Variants in IMPDH1 observed in about 807,000 individuals in gnomAD.
IMPDH1 encodes inosine-5'-monophosphate dehydrogenase 1.
Under a neutral mutation model 73.5 loss-of-function variants are expected in IMPDH1, and 41 were observed. The observed-to-expected ratio is 0.56, with a 90% confidence interval of 0.43 to 0.72. IMPDH1 has a LOEUF of 0.72. IMPDH1 is among the 30% of genes least tolerant of loss of function. The pLI, the probability that IMPDH1 is intolerant of heterozygous loss-of-function variation, is 0.00. For synonymous variants in IMPDH1, 318 were observed against 334.3 expected (o/e 0.95, Z 0.53); for missense variants, 645 against 824.8 (o/e 0.78, Z 2.67).
intron 12 of IMPDH1, among the ~76,000 whole-genome samples, chr7:128,395,644 T>G (rs529022358): frequency 1.3e-5 from 2 of 152,380 alleles, no homozygotes; most frequent in Admixed American, 6.5e-5. Flanking sequence ...TGGTCCCCTT[T>G]GGGATACTGG....
Position 128,397,158 on chromosome 7 carries a change from T to G in IMPDH1, c.1075-136A>C, listed in dbSNP as rs866973374. 1.9e-5 allele frequency: 13 copies of G among 671,280 alleles called. No individual in the cohort carries two copies. In the Admixed American group the frequency reaches 2.2e-4, roughly 11 times the overall value. The allele number at this position is 671,280 out of a possible 1,614,324, so 41.6% of individuals were successfully genotyped here. On this transcript the variant is annotated intron_variant, in intron 10 of 16. Transcript: ENST00000338791. ...TGCTCTTTCCTTCTGGTTGTTTTTT[T>G]TTTTTTTTTTCTGGAAATTCACTTG...
chr7:128,395,348 G>C, intron 12 of IMPDH1, 74 bp from the exon 13 acceptor site: 1 of 1,556,800 alleles, frequency 6.4e-7, no homozygotes, highest in Non-Finnish European at 8.8e-7. Flanking sequence ...GGCCAGCCCA[G>C]CTCTTCCTCC....
chr7:128,395,945 G>A (rs557805281), intron 12 of IMPDH1, among the ~76,000 whole-genome samples: 105 of 152,330 alleles, frequency 6.9e-4, no homozygotes, highest in African/African-American at 2.4e-3. Flanking sequence ...GGACCAAAAG[G>A]GGGAGCTGTT....
Position 128,405,832 on chromosome 7 carries a change from G to C in IMPDH1, c.288C>G (p.Gly96=). 1.9e-6 allele frequency: 3 copies of C among 1,539,276 alleles called. No homozygotes were observed. The highest frequency in any genetic ancestry group is 2.6e-6 in the Non-Finnish European group (3 of 1,144,538). The change falls in exon 4 of 17, where the codon GGC becomes GGG. Residue 96 remains glycine (G), a synonymous_variant. Transcript: ENST00000338791. ...MADYLISGGT[G]YVPEDGLTAQ... is the part of the protein sequence containing the mutation. ...CGGTGAGCCCATCCTCGGGCACGTA[G>C]CCGGTGCCGCCGCTGATCAGGTAGT...
chr7:128,407,031 C>T (rs1798822141), intron 3 of IMPDH1, among the ~76,000 whole-genome samples: 1 of 152,112 alleles, frequency 6.6e-6, no homozygotes, highest in African/African-American at 2.4e-5. Flanking sequence ...AAGTAGATCC[C>T]CTTCCCTCTT....
chr7:128,409,809 C>A lies in IMPDH1; in HGVS notation c.93G>T (p.Thr31=). ...PGARQHPGHE[T]AAQRYSARLL... ...GTCGGGCGCTGTACCGCTGCGCCGCCGTCTCGTGTCCCGGGTGTTGCCGGG... is the reference window on the plus strand; with the variant it reads ...GTCGGGCGCTGTACCGCTGCGCCGCAGTCTCGTGTCCCGGGTGTTGCCGGG... Residue 31 remains threonine, a synonymous_variant, in exon 1 of 17, where the codon ACG becomes ACT. Transcript: ENST00000338791. The A allele has an allele frequency of 6.7e-7, 1 of 1,500,122 alleles. No individual in the cohort carries two copies. The highest frequency in any genetic ancestry group is 8.8e-7 in the Non-Finnish European group (1 of 1,132,294). 92.9% of individuals were successfully genotyped at this position (1,500,122 alleles called of 1,614,324 possible).
intron 4 of IMPDH1, 39 bp from the exon 5 acceptor site, chr7:128,403,793 G>A: frequency 1.3e-6 from 2 of 1,591,884 alleles, no homozygotes; most frequent in East Asian, 2.2e-5. Context: ...AGTGGGGAGG[G>A]GTGCCCCAAA....
chr7:128,395,037 C>T lies in IMPDH1; in HGVS notation c.1406-4G>A. On this transcript the variant is annotated splice_polypyrimidine_tract_variant and splice_region_variant and intron_variant, in intron 13 of 16. Coordinates refer to ENST00000338791, the MANE Select transcript of IMPDH1 (RefSeq NM_000883.4). ...GCCAGCAGGGAGCCCATCATCACTA[C>T]AGTGGGCAAGGGATTAGTGCCTCCA... The T allele has an allele frequency of 6.2e-7, 1 of 1,613,978 alleles. No homozygotes were observed.
chr7:128,401,656 G>C lies in IMPDH1; in HGVS notation c.403-540C>G, dbSNP rs563703056. 2.9e-4 allele frequency among the ~76,000 whole-genome samples: 44 copies of C among 152,316 alleles called. No homozygotes were observed. In the South Asian group the frequency reaches 8.9e-3, roughly 31 times the overall value. The stretch of plus-strand genomic sequence containing the variant: ...CACTGGAGGGTCTTGACAGAGAAAT[G>C]ATCTGATTTATGTTTCAAAAAGGTC... On this transcript the variant is annotated intron_variant, in intron 5 of 16. Coordinates refer to ENST00000338791, the MANE Select transcript of IMPDH1 (RefSeq NM_000883.4).
chr7:128,404,326 C>T (rs1397922115), intron 4 of IMPDH1, among the ~76,000 whole-genome samples: 2 of 152,020 alleles, frequency 1.3e-5, no homozygotes, highest in African/African-American at 4.8e-5. Context: ...ATGGCCAGGA[C>T]GGGAAAGGGG....
Position 128,394,301 on chromosome 7 carries a change from C to A in IMPDH1, c.1755G>T (p.Glu585Asp). 2 of 1,614,076 alleles carry A rather than the reference C, an allele frequency of 1.2e-6. No homozygotes were observed. Among genetic ancestry groups the A allele is most frequent in the Non-Finnish European group, 1.7e-6 (2 of 1,179,992 alleles). The change falls in exon 16 of 17, where the codon GAG becomes GAT. Residue 585 changes from glutamate to aspartate, a missense_variant. Around this residue, in one of 2 missense-constraint regions of IMPDH1, gnomAD observed 459 missense variants for 638.2 expected, o/e 0.72. Coordinates refer to ENST00000338791, the MANE Select transcript of IMPDH1 (RefSeq NM_000883.4). This position sits in a 1 kb window ranked among gnomAD's most constrained non-coding sequence, Gnocchi z 5.5. ...FEKRTMSAQI[E>D]GGVHGLHSYE... ...ACGAGTGCAGGCCATGGACACCACC[C>A]TCAATCTGGGCCGACATGGTCCGCT...
chr7:128,394,537 A>C lies in IMPDH1; in HGVS notation c.1613T>G (p.Ile538Ser). The C allele has an allele frequency of 1.2e-6, 2 of 1,613,984 alleles. No individual in the cohort carries two copies. The highest frequency in any genetic ancestry group is 1.7e-6 in the Non-Finnish European group (2 of 1,179,986). ...VSGSIQDKGS[I>S]QKFVPYLIAG... ...TATGAGGTAGGGCACGAACTTCTGA[A>C]TGGATCCTTTGTCCTGGATGGAGCC... The change falls in exon 15 of 17, where the codon ATT becomes AGT. Residue 538 changes from isoleucine (I) to serine (S), a missense_variant. Ile to Ser is a moderately radical substitution (Grantham distance 142, BLOSUM62 -2). This residue lies in a region of IMPDH1 where 459 missense variants were observed against 638.2 expected (regional missense o/e 0.72). Coordinates refer to ENST00000338791, the MANE Select transcript of IMPDH1 (RefSeq NM_000883.4). This position sits in a 1 kb window ranked among gnomAD's most constrained non-coding sequence, Gnocchi z 5.5.
rs1317515792 is a variant in IMPDH1 at position 128,409,935 on chromosome 7, G to A, written c.-34C>T. Reference sequence around the variant, plus strand: ...CGCAGCTCAGGGCGGGCGGGAGCCTGGAGGCTCCCGGGGCCCCGGCTGGGC... The same window carrying A: ...CGCAGCTCAGGGCGGGCGGGAGCCTAGAGGCTCCCGGGGCCCCGGCTGGGC... On this transcript the variant is annotated 5_prime_UTR_variant, in exon 1 of 17. Coordinates refer to ENST00000338791, the MANE Select transcript of IMPDH1 (RefSeq NM_000883.4). 2 of 1,330,428 alleles carry A rather than the reference G, an allele frequency of 1.5e-6. No individual in the cohort carries two copies. Among genetic ancestry groups the A allele is most frequent in the Non-Finnish European group, 1.9e-6 (2 of 1,046,010 alleles). The allele number at this position is 1,330,428 out of a possible 1,614,324, so 82.4% of individuals were successfully genotyped here.
chr7:128,401,819 G>A (rs1798359271), intron 5 of IMPDH1, among the ~76,000 whole-genome samples: 1 of 152,166 alleles, frequency 6.6e-6, no homozygotes, highest in African/African-American at 2.4e-5. Context: ...AGGATTGCAA[G>A]TATCCATTTA....
At chr7:128,401,527 A>C (rs533914568) in intron 5 of IMPDH1, among the ~76,000 whole-genome samples, 2 of 152,276 alleles carry the variant, frequency 1.3e-5, no homozygotes, top group Non-Finnish European at 2.9e-5. Flanking sequence ...AAGAAAAAGA[A>C]GGCCAGGGGA....
At position 128,400,412 on chromosome 7, in the gene IMPDH1, C is replaced by T. The variant is rs745455593; in HGVS notation, c.707G>A (p.Gly236Asp). 7 of 1,612,286 alleles carry T rather than the reference C, an allele frequency of 4.3e-6. No homozygotes were observed. Among genetic ancestry groups the T allele is most frequent in the African/African-American group, 2.7e-5 (2 of 74,868 alleles). The change falls in exon 8 of 17, where the codon GGC becomes GAC. Residue 236 changes from glycine (G) to aspartate (D), a missense_variant. Coordinates refer to ENST00000338791, the MANE Select transcript of IMPDH1 (RefSeq NM_000883.4). ...GGTGACGATGCCCACCAGCTTGCTG[C>T]CCATGGTGCCCGTCTCAGTGATGGG... ...GIPITETGTM[G>D]SKLVGIVTSR...
rs1349446402 is a variant in IMPDH1, at chr7:128,398,044, T to C, written c.1074+370A>G. On this transcript the variant is annotated intron_variant, in intron 10 of 16. Transcript: ENST00000338791. This position sits in a 1 kb window ranked among gnomAD's most constrained non-coding sequence, Gnocchi z 4.3. ...GGATAATGGCTTCTAGCTCTGTCCA[T>C]GTTGCTGCAAAGGACAGGATTTCAT... Among the ~76,000 whole-genome samples, 1 of 152,250 alleles carries C rather than the reference T, an allele frequency of 6.6e-6. No individual in the cohort carries two copies.
chr7:128,398,480 G>A lies in IMPDH1; in HGVS notation c.1008C>T (p.Gly336=). The change falls in exon 10 of 17, where the codon GGC becomes GGT. Residue 336 remains glycine, a synonymous_variant. Coordinates refer to ENST00000338791, the MANE Select transcript of IMPDH1 (RefSeq NM_000883.4). The surrounding 1 kb of genome is among the most constrained non-coding windows in gnomAD (Gnocchi z 4.3). Reference sequence around the variant, plus strand: ...GACGGTATTTGTCATCCTCACGGGTGCCCACAGCTGCCCCACAGAGCAGCT... The same window carrying A: ...GACGGTATTTGTCATCCTCACGGGTACCCACAGCTGCCCCACAGAGCAGCT... ...QKQLLCGAAV[G]TREDDKYRLD... 2.5e-6 allele frequency: 4 copies of A among 1,613,702 alleles called. No homozygotes were observed. Among genetic ancestry groups the A allele is most frequent in the Non-Finnish European group, 2.5e-6 (3 of 1,179,824 alleles).
At chr7:128,406,629 A>T (rs1367635271) in intron 3 of IMPDH1, among the ~76,000 whole-genome samples, 1 of 152,036 alleles carries the variant, frequency 6.6e-6, no homozygotes, top group African/African-American at 2.4e-5. Context: ...TAACTCCACA[A>T]TCTATTAATT....
Sources: allele counts gnomAD v4.1 joint callset (sites outside exome capture counted in the v4.1 genomes callset), GRCh38; gene constraint gnomAD v4.1.1; regional missense constraint gnomAD v4.1.1; non-coding constraint Gnocchi (gnomAD v3.1); transcripts MANE v1.5; gene names NCBI Gene and HGNC (gene_info 2026-07-23, HGNC 2026-07-21).